The following PAMR1 variants were observed in gnomAD, a reference collection of about 807,000 sequenced individuals.
PAMR1 encodes peptidase domain containing associated with muscle regeneration 1.
Under a neutral mutation model 81.8 loss-of-function variants are expected in PAMR1, and 88 were observed. The observed-to-expected ratio is 1.08, with a 90% CI of 0.91 to 1.28. The LOEUF is 1.28. Ranked by LOEUF, PAMR1 falls within the 50% of genes most tolerant of loss-of-function variation. PAMR1 has a pLI of 0.00. For synonymous variants in PAMR1, 336 were observed against 345.3 expected, an observed-to-expected ratio of 0.97 and a Z score of 0.30; for missense variants, 935 against 919.7, an observed-to-expected ratio of 1.02 and a Z score of -0.21.
chr11:35,506,972 T>G (rs1379670083), intron 1 of PAMR1, among the ~76,000 whole-genome samples: 1 of 151,396 alleles, frequency 6.6e-6, no homozygotes, highest in Non-Finnish European at 1.5e-5. Context: ...GAGGTAATTT[T>G]CTATATTGTA....
intron 6 of PAMR1, among the ~76,000 whole-genome samples, chr11:35,462,328 G>A (rs1382795524): frequency 1.3e-5 from 2 of 152,180 alleles, no homozygotes; most frequent in African/African-American, 4.8e-5. Flanking sequence ...TGCCTAATGT[G>A]GGTGTCTTTT....
intron 6 of PAMR1, among the ~76,000 whole-genome samples, chr11:35,453,612 T>C (rs1856466528): frequency 6.6e-6 from 1 of 152,212 alleles, no homozygotes; most frequent in Admixed American, 6.5e-5. Flanking sequence ...CTGCACCTCA[T>C]CAGAGCTCCT....
At chr11:35,502,603 T>C (rs35950339) in intron 1 of PAMR1, among the ~76,000 whole-genome samples, 10,630 of 152,316 alleles carry the variant, frequency 0.07, 447 homozygotes, top group South Asian at 0.12. Flanking sequence ...TTCCTTGTTA[T>C]GGCTGCATAC....
At chr11:35,471,570 A>G (rs769920280) in intron 4 of PAMR1, among the ~76,000 whole-genome samples, 3 of 152,218 alleles carry the variant, frequency 2.0e-5, no homozygotes, top group Non-Finnish European at 4.4e-5. Flanking sequence ...GAAGGTAATT[A>G]TCTTCTAGGC....
chr11:35,433,389 T>C (rs1300712063), intron 10 of PAMR1, among the ~76,000 whole-genome samples: 4 of 152,260 alleles, frequency 2.6e-5, no homozygotes, highest in African/African-American at 9.6e-5. Flanking sequence ...AGCCAGTAAA[T>C]AGAGCTATGC....
chr11:35,505,085 T>G (rs1850926288), intron 1 of PAMR1, among the ~76,000 whole-genome samples: 1 of 152,146 alleles, frequency 6.6e-6, no homozygotes, highest in African/African-American at 2.4e-5. Flanking sequence ...ATTTTTAAAT[T>G]TCTTTCTTAA....
chr11:35,493,025 T>C, intron 2 of PAMR1, among the ~76,000 whole-genome samples: 1 of 152,198 alleles, frequency 6.6e-6, no homozygotes, highest in African/African-American at 2.4e-5. Flanking sequence ...TTTGGATCTG[T>C]GTCCCCACCC....
At chr11:35,499,195 T>C (rs1218080449) in intron 1 of PAMR1, among the ~76,000 whole-genome samples, 1 of 152,180 alleles carries the variant, frequency 6.6e-6, no homozygotes. Context: ...CTCTAACTTG[T>C]TGATACCAGA....
intron 1 of PAMR1, among the ~76,000 whole-genome samples, chr11:35,497,127 T>C (rs1039731927): frequency 3.3e-5 from 5 of 152,124 alleles, no homozygotes; most frequent in African/African-American, 1.2e-4. Flanking sequence ...GATTGTGTCA[T>C]TGGACACCAG....
At chr11:35,514,867 T>C (rs1851134787) in intron 1 of PAMR1, among the ~76,000 whole-genome samples, 1 of 152,032 alleles carries the variant, frequency 6.6e-6, no homozygotes, top group Middle Eastern at 3.2e-3. Context: ...TAGCTGGGCA[T>C]GGTGGTACAC....
chr11:35,487,507 C>G (rs1280875848), intron 3 of PAMR1, among the ~76,000 whole-genome samples: 1 of 152,224 alleles, frequency 6.6e-6, no homozygotes, highest in African/African-American at 2.4e-5. Context: ...CAGAGAGCAT[C>G]AGCCAACGTC....
intron 1 of PAMR1, among the ~76,000 whole-genome samples, chr11:35,503,153 T>C (rs1039121237): frequency 6.6e-6 from 1 of 152,112 alleles, no homozygotes; most frequent in African/African-American, 2.4e-5. Context: ...CTATAAGAAA[T>C]GTGGGCTTGT....
At chr11:35,478,571 T>A (rs1188835260) in intron 3 of PAMR1, among the ~76,000 whole-genome samples, 1 of 151,994 alleles carries the variant, frequency 6.6e-6, no homozygotes, top group Non-Finnish European at 1.5e-5. Flanking sequence ...CCTCCCCACA[T>A]CAAGGAATGC....
intron 6 of PAMR1, among the ~76,000 whole-genome samples, chr11:35,448,939 C>T (rs1856354288): frequency 6.6e-6 from 1 of 152,188 alleles, no homozygotes; most frequent in South Asian, 2.1e-4. Flanking sequence ...CTCTATTCAC[C>T]TGGGTCCCTC....
intron 1 of PAMR1, among the ~76,000 whole-genome samples, chr11:35,509,201 G>A (rs1851030762): frequency 6.6e-6 from 1 of 152,184 alleles, no homozygotes; most frequent in East Asian, 1.9e-4. Flanking sequence ...AGCTTGAGTA[G>A]AGACAGAAAA....
chr11:35,500,163 G>A (rs1996368), intron 1 of PAMR1, among the ~76,000 whole-genome samples: 48,615 of 151,998 alleles, frequency 0.32, 8,159 homozygotes, highest in Admixed American at 0.39. Context: ...GACCTTCACG[G>A]CTGGAAGGTA....
At chr11:35,494,302 G>A in intron 1 of PAMR1, 30 bp from the exon 2 acceptor site, 2 of 1,579,684 alleles carry the variant, frequency 1.3e-6, no homozygotes, top group Non-Finnish European at 1.7e-6. Flanking sequence ...GGTGAGGCTA[G>A]GTCCTGGCAG....
intron 1 of PAMR1, among the ~76,000 whole-genome samples, chr11:35,501,569 T>G (rs1405579723): frequency 8.8e-6 from 1 of 114,184 alleles, no homozygotes; most frequent in Non-Finnish European, 1.8e-5. Context: ...ATTATTATTA[T>G]TTTTTTTTTA....
intron 9 of PAMR1, 64 bp downstream of exon 9, chr11:35,435,839 G>A: frequency 8.1e-7 from 1 of 1,241,780 alleles, no homozygotes; most frequent in Non-Finnish European, 1.2e-6. Flanking sequence ...TAGGGTTAAT[G>A]GTTTTTCTCA....
Sources: gnomAD v4.1 joint callset for allele counts (sites outside exome capture counted in the v4.1 genomes callset) on GRCh38, gnomAD v4.1.1 for gene constraint, MANE v1.5 for transcripts, NCBI Gene and HGNC (gene_info 2026-07-23, HGNC 2026-07-21) for gene names.